BBS1: variants seen among roughly 807,000 people sequenced by gnomAD.
BBS1 encodes the protein Bardet-Biedl syndrome 1.
A neutral mutation model predicts 73.9 loss-of-function variants in BBS1; 60 were observed. The observed-to-expected ratio is 0.81, with a 90% CI of 0.66 to 1.01. BBS1 has a LOEUF of 1.01. Ranked by LOEUF, BBS1 falls within the 50% of genes least tolerant of loss-of-function variation. The pLI is 0.00. For synonymous variants in BBS1, 283 were observed against 317.4 expected (o/e 0.89, Z 1.15); for missense variants, 718 against 770.3 (o/e 0.93, Z 0.80).
intron 13 of BBS1, 147 bp downstream of exon 13, chr11:66,526,954 AG>A (rs1222305040): frequency 6.4e-7 from 1 of 1,573,658 alleles, no homozygotes. Context: ...ATCCAGGGAC[AG>A]CCTAGGAGGT....
intron 14 of BBS1, 60 bp from the exon 15 acceptor site, chr11:66,530,834 T>G (rs1421915861): frequency 6.2e-7 from 1 of 1,610,822 alleles, no homozygotes; most frequent in African/African-American, 1.3e-5. Context: ...CAGAGCACAC[T>G]GTACTCCGTG....
chr11:66,526,095 C>T (rs1209635083), intron 11 of BBS1, 28 bp from the exon 12 acceptor site: 2 of 1,612,750 alleles, frequency 1.2e-6, no homozygotes. Context: ...AGATATTTCC[C>T]CAACTAAACT....
chr11:66,532,401 ATCACTCATC>A lies in BBS1; in HGVS notation c.*367_*375del, dbSNP rs1856825279. Reference sequence around the variant, plus strand: ...CTCCACTGCCACGTCCCTCATGCACATCACTCATCTCCTGCTGCAGGCCAAGGCCAAAAT... The same window carrying A: ...CTCCACTGCCACGTCCCTCATGCACATCCTGCTGCAGGCCAAGGCCAAAAT... On this transcript the variant is annotated 3_prime_UTR_variant, in exon 17 of 17. Coordinates refer to ENST00000318312, the MANE Select transcript of BBS1 (RefSeq NM_024649.5). 1.2e-5 allele frequency: 3 copies of A among 245,660 alleles called. No individual in the cohort carries two copies. Among genetic ancestry groups the A allele is most frequent in the Non-Finnish European group, 8.0e-6 (1 of 124,630 alleles). 15.2% of individuals were successfully genotyped at this position (245,660 alleles called of 1,614,324 possible). A position where few individuals can be genotyped will look rare whatever the true frequency, so the allele number is the denominator to read the frequency against.
chr11:66,520,945 C>T (rs960391516), intron 8 of BBS1: 8 of 381,924 alleles, frequency 2.1e-5, no homozygotes, highest in Middle Eastern at 7.5e-4. Context: ...TCTTGAACTC[C>T]TGAGCTCAAG....
At chr11:66,531,923 C>T (rs1327488691) in intron 16 of BBS1, 28 bp from the exon 17 acceptor site, 5 of 1,569,632 alleles carry the variant, frequency 3.2e-6, no homozygotes, top group South Asian at 1.2e-5. Context: ...GGTGTATGCC[C>T]CCTGCTGCCA....
intron 11 of BBS1, chr11:66,524,183 G>C (rs1856382355): frequency 2.5e-6 from 1 of 402,458 alleles, no homozygotes; most frequent in South Asian, 2.1e-5. Flanking sequence ...AGGAGGTTGA[G>C]GTAGGAGAAT....
At chr11:66,526,835 T>A (rs374846440) in intron 13 of BBS1, 28 bp downstream of exon 13, 1 of 1,614,042 alleles carries the variant, frequency 6.2e-7, no homozygotes, top group Non-Finnish European at 8.5e-7. Context: ...TCCTTTCCCT[T>A]CTTCCTCCTC....
intron 7 of BBS1, 57 bp from the exon 8 acceptor site, chr11:66,519,560 G>C: frequency 6.2e-7 from 1 of 1,611,132 alleles, no homozygotes; most frequent in South Asian, 1.1e-5. Flanking sequence ...CATTCTGGGA[G>C]TATCTTGGGG....
At position 66,512,012 on chromosome 11, in the gene BBS1, A is replaced by ATATGTG. The variant is rs1565280704; in HGVS notation, c.159+776_159+777insGTGTAT. ...GACAGTTTCAAAAAAAAATATATAT[A>ATATGTG]TATATATGTGTATATATATGTATAT... On this transcript the variant is annotated intron_variant, in intron 3 of 16. Coordinates refer to ENST00000318312, the MANE Select transcript of BBS1 (RefSeq NM_024649.5). 3.1e-4 allele frequency among the ~76,000 whole-genome samples: 45 copies of ATATGTG among 143,074 alleles called. 1 individual carries two copies. The South Asian group carries it at 8.8e-3, about 28-fold the overall frequency. 93.9% of individuals were successfully genotyped at this position (143,074 alleles called of 152,430 possible). A position where few individuals can be genotyped will look rare whatever the true frequency, so the allele number is the denominator to read the frequency against.
intron 7 of BBS1, 121 bp from the exon 8 acceptor site, chr11:66,519,496 C>G: frequency 7.2e-7 from 1 of 1,385,792 alleles, no homozygotes; most frequent in Non-Finnish European, 1.0e-6. Flanking sequence ...TCTTCTGTCA[C>G]ATCTCTGATA....
rs1298139172 is a variant in BBS1 at position 66,531,000 on chromosome 11, T to C, written c.1580T>C (p.Leu527Pro). Residue 527 changes from leucine (L) to proline (P), a missense_variant, in exon 15 of 17, where the codon CTC becomes CCC. Coordinates refer to ENST00000318312, the MANE Select transcript of BBS1 (RefSeq NM_024649.5). Reference sequence around the variant, plus strand: ...GTCTGCTTCCTGTACAACGAGGCGCTCTATTCCCTGCCCCGGGCCTTCTTC... The same window carrying C: ...GTCTGCTTCCTGTACAACGAGGCGCCCTATTCCCTGCCCCGGGCCTTCTTC... ...LLVCFLYNEALYSLPRAFFKV... is the reference protein window; with the variant it reads ...LLVCFLYNEAPYSLPRAFFKV... 5 of 1,614,194 alleles carry C rather than the reference T, an allele frequency of 3.1e-6. No individual in the cohort carries two copies. The highest frequency in any genetic ancestry group is 4.2e-6 in the Non-Finnish European group (5 of 1,180,032).
intron 15 of BBS1, among the ~76,000 whole-genome samples, 159 bp downstream of exon 15, chr11:66,531,187 AGTAGGGGC>A (rs909381434): frequency 1.1e-4 from 17 of 152,288 alleles, no homozygotes; most frequent in African/African-American, 4.1e-4. Context: ...CCAAGGCCCC[AGTAGGGGC>A]CTCTGGAGGG....
At chr11:66,528,697 G>A (rs1005235770) in intron 13 of BBS1, among the ~76,000 whole-genome samples, 2 of 151,992 alleles carry the variant, frequency 1.3e-5, no homozygotes, top group African/African-American at 2.4e-5. Flanking sequence ...GGCCAGGTGC[G>A]GTGGCTCACA....
rs751914638 is a variant in BBS1, at chr11:66,523,435, A to G, written c.831-21A>G. 5 of 1,614,184 alleles carry G rather than the reference A, an allele frequency of 3.1e-6. No homozygotes were observed. The South Asian group carries it at 5.5e-5, about 18-fold the overall frequency. ...GGAGAGGATTTCTCTGGGGCCAGACAGTGTGTTGTTTATTCCACAGAGACT... is the reference window on the plus strand; with the variant it reads ...GGAGAGGATTTCTCTGGGGCCAGACGGTGTGTTGTTTATTCCACAGAGACT... On this transcript the variant is annotated intron_variant, in intron 9 of 16. Transcript: ENST00000318312.
At chr11:66,529,721 C>T (rs1686426121) in intron 13 of BBS1, 98 bp from the exon 14 acceptor site, 1 of 1,474,532 alleles carries the variant, frequency 6.8e-7, no homozygotes, top group Non-Finnish European at 9.4e-7. Context: ...CCTCCTCTTG[C>T]ACCCTCCCCA....
chr11:66,523,937 C>G, intron 11 of BBS1, 55 bp downstream of exon 11: 1 of 1,606,104 alleles, frequency 6.2e-7, no homozygotes, highest in African/African-American at 1.3e-5. Context: ...CGTCTCACCT[C>G]TGGGGCTTCT....
Position 66,523,573 on chromosome 11 carries a change from C to T in BBS1, c.948C>T (p.His316=), listed in dbSNP as rs777721856. The T allele has an allele frequency of 1.5e-5, 24 of 1,614,040 alleles. No homozygotes were observed. Among genetic ancestry groups the T allele is most frequent in the Non-Finnish European group, 1.8e-5 (21 of 1,180,032 alleles). The change falls in exon 10 of 17, where the codon CAC becomes CAT. Residue 316 remains histidine, a synonymous_variant. Transcript: ENST00000318312. ...AAGACAGCCTGCATGGCTTCACCCACAAGGTGCAGCCCCCAGCAAGCAGCA... is the reference window on the plus strand; with the variant it reads ...AAGACAGCCTGCATGGCTTCACCCATAAGGTGCAGCCCCCAGCAAGCAGCA... ...STQDSLHGFT[H]KGKKLWTVQM...
Position 66,514,513 on chromosome 11 carries a change from T to C in BBS1, c.267T>C (p.Ala89=), listed in dbSNP as rs1481566685. The C allele has an allele frequency of 3.7e-6, 6 of 1,614,196 alleles. No homozygotes were observed. The highest frequency in any genetic ancestry group is 5.1e-6 in the Non-Finnish European group (6 of 1,180,036). The stretch of plus-strand genomic sequence containing the variant: ...CGCTACCTGCTCTGCCAGCTGCTGC[T>C]GCCACCTTCCTCATGGAGCAACATG... ...ESPLPALPAA[A]ATFLMEQHEP... The change falls in exon 4 of 17, where the codon GCT becomes GCC. Residue 89 remains alanine (A), a synonymous_variant. Coordinates refer to ENST00000318312, the MANE Select transcript of BBS1 (RefSeq NM_024649.5).
At chr11:66,516,230 A>G (rs1856047219) in intron 7 of BBS1, among the ~76,000 whole-genome samples, 1 of 147,762 alleles carries the variant, frequency 6.8e-6, no homozygotes. Flanking sequence ...GGTTCAAGCG[A>G]TTCTCCTGCC....
Sources: allele counts gnomAD v4.1 joint callset (sites outside exome capture counted in the v4.1 genomes callset), GRCh38; gene constraint gnomAD v4.1.1; transcripts MANE v1.5; gene names NCBI Gene and HGNC (gene_info 2026-07-23, HGNC 2026-07-21).